The following SMG6 variants were observed in gnomAD, a reference collection of about 807,000 sequenced individuals.
SMG6 encodes the protein SMG6 nonsense mediated mRNA decay factor.
A neutral mutation model predicts 142.2 loss-of-function variants in SMG6; 66 were observed. The ratio of observed to expected loss-of-function variants is 0.46; its 90% confidence interval spans 0.38 to 0.57. SMG6 has a LOEUF of 0.57. Among genes scored for constraint, SMG6 ranks in the 20% least tolerant of loss-of-function variants. The probability of loss-of-function intolerance (pLI) is 0.00; values close to 1 mark genes in which losing one functional copy is unlikely to be tolerated. For synonymous variants in SMG6, 779 were observed against 702.4 expected (o/e 1.11, Z -1.72); for missense variants, 1,793 against 1,832.0 (o/e 0.98, Z 0.39).
chr17:2,102,410 G>A (rs770218309), intron 13 of SMG6, among the ~76,000 whole-genome samples: 2 of 151,900 alleles, frequency 1.3e-5, no homozygotes, highest in Non-Finnish European at 2.9e-5. Context: ...AGGCTGGAGT[G>A]CAGTGGTGTG....
At chr17:2,199,371 G>A (rs1397748975) in intron 10 of SMG6, among the ~76,000 whole-genome samples, 1 of 151,856 alleles carries the variant, frequency 6.6e-6, no homozygotes, top group Non-Finnish European at 1.5e-5. Flanking sequence ...GGTGGCTCAT[G>A]CTTATAATCC....
chr17:2,217,100 G>A (rs1315963751), intron 10 of SMG6, among the ~76,000 whole-genome samples: 1 of 152,108 alleles, frequency 6.6e-6, no homozygotes, highest in Non-Finnish European at 1.5e-5. Context: ...ACAAGGTACT[G>A]GACGTAGAAA....
Position 2,300,303 on chromosome 17 carries a change from T to A in SMG6, c.450A>T (p.Arg150=). 6.2e-7 allele frequency: 1 copy of A among 1,614,106 alleles called. No individual in the cohort carries two copies. Among genetic ancestry groups the A allele is most frequent in the South Asian group, 1.1e-5 (1 of 91,082 alleles). Residue 150 remains arginine (R), a synonymous_variant, in exon 2 of 19, where the codon CGA becomes CGT. Transcript: ENST00000263073. ...KPDLQIYQPG[R]RLQTVSKESA... The stretch of plus-strand genomic sequence containing the variant: ...ATTCTTTGCTAACAGTCTGCAAACG[T>A]CGTCCAGGCTGATAGATCTGCAGGT...
chr17:2,197,292 G>C (rs551326669), intron 10 of SMG6, among the ~76,000 whole-genome samples: 1 of 152,256 alleles, frequency 6.6e-6, no homozygotes, highest in Non-Finnish European at 1.5e-5. Context: ...GGCCAGGCGC[G>C]GTGGCTCACG....
intron 8 of SMG6, among the ~76,000 whole-genome samples, chr17:2,272,002 C>T (rs890347650): frequency 6.6e-6 from 1 of 152,198 alleles, no homozygotes; most frequent in African/African-American, 2.4e-5. Context: ...GCAGACATGA[C>T]AAGTAAACAG....
At chr17:2,290,383 T>C (rs1206695250) in intron 6 of SMG6, among the ~76,000 whole-genome samples, 1 of 152,220 alleles carries the variant, frequency 6.6e-6, no homozygotes, top group African/African-American at 2.4e-5. Flanking sequence ...TTTCAACAAA[T>C]GGTGCTAGAA....
At position 2,300,443 on chromosome 17, in the gene SMG6, G is replaced by T; in HGVS notation, c.310C>A (p.Gln104Lys). Reference protein sequence around the residue: ...VKDVCKELNNQEQNGPIDPEN... With the variant: ...VKDVCKELNNKEQNGPIDPEN... ...GGGTCTATAGGACCATTCTGCTCTT[G>T]GTTGTTCAGTTCCTTGCAGACATCT... Residue 104 changes from glutamine (Q) to lysine (K), a missense_variant, in exon 2 of 19, where the codon CAA becomes AAA. Gln to Lys is a moderately conservative substitution (Grantham distance 53, BLOSUM62 1). Around this residue, in one of 3 missense-constraint regions of SMG6, gnomAD observed 1,597 missense variants for 1,584.6 expected, o/e 1.01. Coordinates refer to ENST00000263073, the MANE Select transcript of SMG6 (RefSeq NM_017575.5). 1.9e-6 allele frequency: 3 copies of T among 1,614,136 alleles called. No individual in the cohort carries two copies. The South Asian group carries it at 3.3e-5, about 18-fold the overall frequency.
At chr17:2,162,849 T>A (rs2071223944) in intron 13 of SMG6, among the ~76,000 whole-genome samples, 1 of 152,156 alleles carries the variant, frequency 6.6e-6, no homozygotes, top group African/African-American at 2.4e-5. Flanking sequence ...TCTCTTTTTT[T>A]GAGAAAGGGT....
intron 10 of SMG6, among the ~76,000 whole-genome samples, chr17:2,208,126 C>T (rs2072744115): frequency 6.6e-6 from 1 of 152,026 alleles, no homozygotes; most frequent in African/African-American, 2.4e-5. Flanking sequence ...GAGACCGTGT[C>T]TCTCTAAAAT....
intron 8 of SMG6, among the ~76,000 whole-genome samples, chr17:2,276,421 G>A (rs553668923): frequency 1.3e-4 from 20 of 151,880 alleles, no homozygotes; most frequent in African/African-American, 4.6e-4. Context: ...AGTTTTGCTC[G>A]TTGCCCAGGC....
intron 10 of SMG6, among the ~76,000 whole-genome samples, chr17:2,228,272 A>G (rs1401138173): frequency 6.6e-6 from 1 of 151,780 alleles, no homozygotes; most frequent in Non-Finnish European, 1.5e-5. Context: ...TTTGTTGCCC[A>G]GGCTGGAGTA....
At chr17:2,254,217 C>A (rs905675211) in intron 8 of SMG6, among the ~76,000 whole-genome samples, 1 of 152,240 alleles carries the variant, frequency 6.6e-6, no homozygotes, top group Non-Finnish European at 1.5e-5. Flanking sequence ...AGCTAGGACA[C>A]GCTGTGTCTG....
At chr17:2,165,885 A>G (rs56209296) in intron 13 of SMG6, among the ~76,000 whole-genome samples, 28,231 of 152,066 alleles carry the variant, frequency 0.19, 2,679 homozygotes, top group South Asian at 0.25. Context: ...ATTCTGGGTG[A>G]CAGAGTGAGA....
intron 8 of SMG6, among the ~76,000 whole-genome samples, chr17:2,270,428 G>C (rs767834401): frequency 6.6e-6 from 1 of 152,040 alleles, no homozygotes; most frequent in African/African-American, 2.4e-5. Context: ...GCAACACAGC[G>C]AGACCCTTCC....
intron 13 of SMG6, among the ~76,000 whole-genome samples, chr17:2,161,445 A>G (rs2071177406): frequency 6.7e-6 from 1 of 148,538 alleles, no homozygotes; most frequent in African/African-American, 2.5e-5. Context: ...AGTCTCACAC[A>G]CTGTCACCCG....
chr17:2,093,466 G>C (rs749741528), intron 13 of SMG6, among the ~76,000 whole-genome samples: 1 of 152,056 alleles, frequency 6.6e-6, no homozygotes, highest in Non-Finnish European at 1.5e-5. Context: ...CAAATACTTA[G>C]CGAGATGCCT....
chr17:2,175,990 C>T (rs752178631), intron 12 of SMG6, among the ~76,000 whole-genome samples: 2 of 152,152 alleles, frequency 1.3e-5, no homozygotes, highest in Non-Finnish European at 2.9e-5. Context: ...GACCCATGGG[C>T]GACACAGTGA....
chr17:2,282,788 C>T lies in SMG6; in HGVS notation c.2520G>A (p.Lys840=), dbSNP rs766578490. 1.2e-6 allele frequency: 2 copies of T among 1,614,226 alleles called. No individual in the cohort carries two copies. The highest frequency in any genetic ancestry group is 1.7e-6 in the Non-Finnish European group (2 of 1,180,044). The change falls in exon 8 of 19, where the codon AAG becomes AAA. Residue 840 remains lysine (K), a synonymous_variant. Transcript: ENST00000263073. The part of the protein sequence containing the change: ...LSPDQWRKGK[K]STFRHVGDDT... ...CATCTCCAACATGCCGGAAAGTAGA[C>T]TTCTTTCCTTTCCGCCACTGGTCAG...
At chr17:2,242,664 G>A (rs1417415269) in intron 9 of SMG6, among the ~76,000 whole-genome samples, 1 of 133,414 alleles carries the variant, frequency 7.5e-6, no homozygotes, top group Non-Finnish European at 1.5e-5. Flanking sequence ...TTCAGCCTGG[G>A]TAACACAGAC....
Sources: gnomAD v4.1 joint callset for allele counts (sites outside exome capture counted in the v4.1 genomes callset) on GRCh38, gnomAD v4.1.1 for gene constraint, gnomAD v4.1.1 regional missense constraint, MANE v1.5 for transcripts, NCBI Gene and HGNC (gene_info 2026-07-23, HGNC 2026-07-21) for gene names.